PSPH: variants seen among roughly 807,000 people sequenced by gnomAD.
PSPH encodes the protein phosphoserine phosphatase, also known as L-3-phosphoserine phosphatase.
PSPH carries 16 observed loss-of-function variants against 23.4 expected under a neutral mutation model. That is an observed-to-expected ratio of 0.68 (90% CI 0.46 to 1.04). The LOEUF (loss-of-function observed/expected upper bound fraction) is 1.04, where lower values mean the gene tolerates loss of function less well. Ranked by LOEUF, PSPH falls within the 50% of genes least tolerant of loss-of-function variation. PSPH has a pLI of 0.00. For synonymous variants in PSPH, 68 were observed against 99.7 expected, an observed-to-expected ratio of 0.68 and a Z score of 1.89; for missense variants, 223 against 273.7, an observed-to-expected ratio of 0.81 and a Z score of 1.31.
At chr7:56,028,064 C>A (rs1790467732) in intron 3 of PSPH, among the ~76,000 whole-genome samples, 1 of 149,354 alleles carries the variant, frequency 6.7e-6, no homozygotes, top group Non-Finnish European at 1.5e-5. Context: ...AAAAAAAAAG[C>A]AAGACCATCA....
chr7:56,037,765 T>G (rs1405427621), intron 1 of PSPH, among the ~76,000 whole-genome samples: 1 of 145,442 alleles, frequency 6.9e-6, no homozygotes, highest in Non-Finnish European at 1.5e-5. Context: ...CAGGCTGGAG[T>G]GCAGTAGCGT....
chr7:56,026,010 T>A (rs1790137869), intron 3 of PSPH, among the ~76,000 whole-genome samples: 1 of 152,144 alleles, frequency 6.6e-6, no homozygotes. Context: ...GCAGATCAAG[T>A]GGCCTCCCTT....
At chr7:56,047,591 A>G (rs1793416398) in intron 1 of PSPH, among the ~76,000 whole-genome samples, 2 of 152,064 alleles carry the variant, frequency 1.3e-5, no homozygotes, top group Non-Finnish European at 2.9e-5. Context: ...AAAAACTGAC[A>G]TCATGTGACT....
chr7:56,038,374 G>T (rs1214325243), intron 1 of PSPH, among the ~76,000 whole-genome samples: 1 of 151,976 alleles, frequency 6.6e-6, no homozygotes, highest in East Asian at 1.9e-4. Context: ...GAGGAGAATG[G>T]CATGAACCCA....
intron 1 of PSPH, among the ~76,000 whole-genome samples, chr7:56,042,327 G>A (rs1346482411): frequency 6.6e-6 from 1 of 151,564 alleles, no homozygotes; most frequent in Non-Finnish European, 1.5e-5. Flanking sequence ...GACAAAATAA[G>A]GCAAGACAAA....
intron 1 of PSPH, among the ~76,000 whole-genome samples, chr7:56,040,452 G>C (rs1792379212): frequency 6.6e-6 from 1 of 151,986 alleles, no homozygotes; most frequent in African/African-American, 2.4e-5. Context: ...GGAGTTCCGT[G>C]GTGTAATCTC....
At chr7:56,050,147 G>A (rs1229290765) in intron 1 of PSPH, among the ~76,000 whole-genome samples, 1 of 152,056 alleles carries the variant, frequency 6.6e-6, no homozygotes, top group Non-Finnish European at 1.5e-5. Flanking sequence ...CACATATATA[G>A]ATGTTTTTGT....
intron 1 of PSPH, among the ~76,000 whole-genome samples, chr7:56,049,301 G>A (rs1402759691): frequency 2.6e-5 from 4 of 151,966 alleles, no homozygotes; most frequent in African/African-American, 9.7e-5. Flanking sequence ...CCCACCCCCT[G>A]ACAGGTCCCA....
chr7:56,025,927 T>C (rs893416975), intron 3 of PSPH, among the ~76,000 whole-genome samples: 14 of 152,008 alleles, frequency 9.2e-5, no homozygotes, highest in Admixed American at 3.9e-4. Context: ...CTCTACACCA[T>C]TTCAAATGCT....
chr7:56,039,061 TGAACCCGGGAGGCG>T lies in PSPH; in HGVS notation c.-291-4969_-291-4956del, dbSNP rs907068366. ...AGGAGGCCAAGGCAAGATAATCGCT[TGAACCCGGGAGGCG>T]GAACCCGGGAGGCGGAGACCTGTGA... On this transcript the variant is annotated intron_variant, in intron 1 of 7. Coordinates refer to ENST00000275605, the MANE Select transcript of PSPH (RefSeq NM_004577.4). Among the ~76,000 whole-genome samples, 42 of 150,210 alleles carry T rather than the reference TGAACCCGGGAGGCG, an allele frequency of 2.8e-4. No homozygotes were observed. The East Asian group carries it at 6.8e-3, about 24-fold the overall frequency.
At chr7:56,031,160 G>A (rs1194586058) in intron 3 of PSPH, among the ~76,000 whole-genome samples, 5 of 151,108 alleles carry the variant, frequency 3.3e-5, no homozygotes, top group Admixed American at 1.3e-4. Context: ...GCAGTGAGCC[G>A]AGATTCCGCC....
chr7:56,044,984 A>G (rs539210177), intron 1 of PSPH, among the ~76,000 whole-genome samples: 10 of 151,734 alleles, frequency 6.6e-5, no homozygotes, highest in Admixed American at 2.6e-4. Context: ...AGGCAGGACA[A>G]TCGCTTGAAC....
Position 56,019,750 on chromosome 7 carries a change from A to G in PSPH, c.141-16T>C. The G allele has an allele frequency of 1.2e-6, 2 of 1,612,168 alleles. No homozygotes were observed. Among genetic ancestry groups the G allele is most frequent in the Non-Finnish European group, 1.7e-6 (2 of 1,179,782 alleles). On this transcript the variant is annotated splice_polypyrimidine_tract_variant and intron_variant, in intron 4 of 7. Coordinates refer to ENST00000275605, the MANE Select transcript of PSPH (RefSeq NM_004577.4). ...TCGCCGTGTCCTAGGAGGGAGACCC[A>G]ACAGTCAGGCCAGCCAGGTCCGATG...
intron 5 of PSPH, 62 bp downstream of exon 5, chr7:56,019,538 T>C: frequency 6.2e-7 from 1 of 1,606,292 alleles, no homozygotes; most frequent in Non-Finnish European, 8.5e-7. Context: ...TTAGATGCTC[T>C]TGGGAGGATG....
At chr7:56,038,035 A>T (rs765821119) in intron 1 of PSPH, among the ~76,000 whole-genome samples, 1 of 151,806 alleles carries the variant, frequency 6.6e-6, no homozygotes, top group Non-Finnish European at 1.5e-5. Flanking sequence ...ATGGCTAATT[A>T]TATTAGAATC....
intron 1 of PSPH, among the ~76,000 whole-genome samples, chr7:56,041,359 C>T (rs1489220927): frequency 2.0e-5 from 3 of 151,690 alleles, no homozygotes; most frequent in African/African-American, 7.3e-5. Context: ...ACCACAGGTG[C>T]CTGCCACCAT....
chr7:56,046,311 T>C lies in PSPH; in HGVS notation c.-292+4827A>G, dbSNP rs146894442. On this transcript the variant is annotated intron_variant, in intron 1 of 7. Transcript: ENST00000275605. Reference sequence around the variant, plus strand: ...ACCATCATGCCTGGCTAATTGTGTATTTTTTTAGTAGAGACGGGGTTTCTC... The same window carrying C: ...ACCATCATGCCTGGCTAATTGTGTACTTTTTTAGTAGAGACGGGGTTTCTC... Among the ~76,000 whole-genome samples, 158 of 152,078 alleles carry C rather than the reference T, an allele frequency of 1.0e-3. 1 individual carries two copies. The highest frequency in any genetic ancestry group is 3.5e-3 in the African/African-American group (147 of 41,500).
intron 7 of PSPH, among the ~76,000 whole-genome samples, chr7:56,013,859 G>T (rs544186108): frequency 6.6e-6 from 1 of 152,330 alleles, no homozygotes; most frequent in East Asian, 1.9e-4. Flanking sequence ...AGGCATGGTG[G>T]TTCATACCTG....
chr7:56,011,966 C>A (rs1787959476), intron 7 of PSPH, 97 bp from the exon 8 acceptor site: 1 of 919,044 alleles, frequency 1.1e-6, no homozygotes, highest in Admixed American at 2.0e-5. Flanking sequence ...AGTGCAGTGA[C>A]ACAATCTCCA....
Sources: gnomAD v4.1 joint callset for allele counts (sites outside exome capture counted in the v4.1 genomes callset) on GRCh38, gnomAD v4.1.1 for gene constraint, MANE v1.5 for transcripts, NCBI Gene and HGNC (gene_info 2026-07-23, HGNC 2026-07-21) for gene names.